LPAR6: variants seen among roughly 807,000 people sequenced by gnomAD.
The protein encoded by LPAR6 is lysophosphatidic acid receptor 6, also known as G-protein coupled purinergic receptor P2Y5.
Under a neutral mutation model 22.0 loss-of-function variants are expected in LPAR6, and 17 were observed. The observed-to-expected ratio is 0.77, with a 90% CI of 0.53 to 1.16. The LOEUF (loss-of-function observed/expected upper bound fraction) is 1.16. Among genes scored for constraint, LPAR6 ranks in the 50% most tolerant of loss-of-function variants. LPAR6 has a pLI of 0.00. For missense variants in LPAR6, 384 were observed against 406.9 expected, an observed-to-expected ratio of 0.94 and a Z score of 0.48; for synonymous variants, 136 against 139.8, an observed-to-expected ratio of 0.97 and a Z score of 0.19.
At chr13:48,433,924 A>G (rs193128108) in intron 1 of LPAR6, among the ~76,000 whole-genome samples, 28 of 151,684 alleles carry the variant, frequency 1.8e-4, no homozygotes, top group African/African-American at 5.8e-4. Context: ...GGGTCTTGCT[A>G]TGTTGCCCAG....
upstream of LPAR6, chr13:48,429,121 A>G (rs1038363825): frequency 1.3e-5 from 2 of 152,164 alleles, no homozygotes; most frequent in Non-Finnish European, 2.9e-5. Context: ...TATTATTGTA[A>G]TGTTATAAAA....
At chr13:48,418,064 C>A (rs1948943484), upstream of LPAR6, among the ~76,000 whole-genome samples, 1 of 152,050 alleles carries the variant, frequency 6.6e-6, no homozygotes, top group South Asian at 2.1e-4. Context: ...AGAGCAACCC[C>A]AAGACACATA....
intron 1 of LPAR6, among the ~76,000 whole-genome samples, chr13:48,395,468 G>C (rs894317154): frequency 1.3e-5 from 2 of 152,088 alleles, no homozygotes; most frequent in Admixed American, 6.5e-5. Context: ...ATGCAAGGAA[G>C]CTAAGAACTT....
At chr13:48,424,231 G>GA (rs564021401) in intron 1 of LPAR6, 183 of 152,318 alleles carry the variant, frequency 1.2e-3, no homozygotes, top group African/African-American at 4.0e-3. Context: ...AGCCTAAGGA[G>GA]AAAAAATCTT....
chr13:48,400,481 G>A (rs940418343), intron 1 of LPAR6, among the ~76,000 whole-genome samples: 7 of 151,954 alleles, frequency 4.6e-5, no homozygotes, highest in Admixed American at 1.3e-4. Context: ...GTCATGATTC[G>A]TTTATTTGCT....
At chr13:48,413,948 C>T (rs908464683), upstream of LPAR6, among the ~76,000 whole-genome samples, 9 of 152,132 alleles carry the variant, frequency 5.9e-5, no homozygotes, top group African/African-American at 2.2e-4. Flanking sequence ...CCCAGCTCTT[C>T]CCTTAACCCC....
At chr13:48,429,728 C>G (rs1008344705), upstream of LPAR6, among the ~76,000 whole-genome samples, 11 of 152,046 alleles carry the variant, frequency 7.2e-5, no homozygotes, top group African/African-American at 2.7e-4. Flanking sequence ...TTTAAATTAA[C>G]TGGTGCCAAT....
intron 1 of LPAR6, among the ~76,000 whole-genome samples, chr13:48,395,413 G>T (rs912798360): frequency 8.9e-4 from 135 of 152,114 alleles, no homozygotes; most frequent in African/African-American, 3.2e-3. Context: ...TCAGAAGGTG[G>T]GTAATAACAA....
At chr13:48,419,181 A>T (rs1948965245) in intron 2 of LPAR6, among the ~76,000 whole-genome samples, 1 of 152,208 alleles carries the variant, frequency 6.6e-6, no homozygotes, top group Non-Finnish European at 1.5e-5. Context: ...AAATCATAAC[A>T]CAGTCTCTGA....
At chr13:48,408,701 C>T (rs1359884080), downstream of LPAR6, 1 of 151,974 alleles carries the variant, frequency 6.6e-6, no homozygotes, top group Non-Finnish European at 1.5e-5. Flanking sequence ...ATGAGAAAAC[C>T]ATGTTTGTTA....
In LPAR6 at chr13:48,411,168, A is replaced by G; in HGVS notation, c.*221T>C. 2 of 440,314 alleles carry G rather than the reference A, an allele frequency of 4.5e-6. No individual in the cohort carries two copies. The highest frequency in any genetic ancestry group is 8.2e-6 in the Non-Finnish European group (2 of 244,368). 27.3% of individuals were successfully genotyped at this position (440,314 alleles called of 1,614,324 possible). A position where few individuals can be genotyped will look rare whatever the true frequency, so the allele number is the denominator to read the frequency against. On this transcript the variant is annotated 3_prime_UTR_variant, in exon 1 of 1. Coordinates refer to ENST00000620633, the MANE Select transcript of LPAR6 (RefSeq NM_001162498.3). ...TTAAGAGATTTTTTTTAATGAAGGA[A>G]CAAATCAAAATGGCTCAGAAAAATC...
chr13:48,421,181 C>G (rs183510040), intron 2 of LPAR6, among the ~76,000 whole-genome samples: 2 of 152,264 alleles, frequency 1.3e-5, no homozygotes, highest in Non-Finnish European at 2.9e-5. Context: ...GGTACCAAAA[C>G]AGATATATTG....
chr13:48,432,663 A>G (rs1949142255), intron 1 of LPAR6, among the ~76,000 whole-genome samples: 1 of 152,126 alleles, frequency 6.6e-6, no homozygotes, highest in Admixed American at 6.6e-5. Flanking sequence ...TTTCCCTGAT[A>G]GCAGGGACAT....
At chr13:48,436,741 A>C (rs147267682) in intron 1 of LPAR6, among the ~76,000 whole-genome samples, 4 of 152,298 alleles carry the variant, frequency 2.6e-5, no homozygotes, top group Admixed American at 2.6e-4. Context: ...TAAAATGGAA[A>C]AGATCTTCAG....
chr13:48,411,798 T>C lies in LPAR6; in HGVS notation c.626A>G (p.Lys209Arg), dbSNP rs750617332. 1.3e-5 allele frequency: 21 copies of C among 1,612,786 alleles called. No individual in the cohort carries two copies. In the Admixed American group the frequency reaches 3.5e-4, roughly 27 times the overall value. ...TAATGTAACAGGTTTGGTTAAAGTT[T>C]TTAGCACCATACTAGAACAAGTTAC... is the stretch of plus-strand genomic sequence containing the variant. ...LNVTCSSMVL[K>R]TLTKPVTLSR... The change falls in exon 1 of 1, where the codon AAA becomes AGA. Residue 209 changes from lysine to arginine, a missense_variant. Coordinates refer to ENST00000620633, the MANE Select transcript of LPAR6 (RefSeq NM_001162498.3).
At chr13:48,439,151 G>A (rs927941297) in intron 1 of LPAR6, among the ~76,000 whole-genome samples, 1 of 152,086 alleles carries the variant, frequency 6.6e-6, no homozygotes, top group Non-Finnish European at 1.5e-5. Context: ...GGTAGACTTG[G>A]GTTTGAATCA....
intron 1 of LPAR6, among the ~76,000 whole-genome samples, chr13:48,405,843 G>T (rs1038213291): frequency 2.0e-5 from 3 of 151,900 alleles, no homozygotes; most frequent in African/African-American, 4.8e-5. Flanking sequence ...AAATAAGCAG[G>T]TATGCACGTT....
chr13:48,409,539 T>G (rs1266905181), downstream of LPAR6, among the ~76,000 whole-genome samples: 1 of 151,180 alleles, frequency 6.6e-6, no homozygotes, highest in Admixed American at 6.6e-5. Flanking sequence ...TAGAAGGCAT[T>G]CTTTTTTAGT....
At position 48,412,726 on chromosome 13, in the gene LPAR6, C is replaced by A. The variant is rs1593485262; in HGVS notation, c.-303G>T. 2.3e-6 allele frequency: 1 copy of A among 431,858 alleles called. No homozygotes were observed. The highest frequency in any genetic ancestry group is 4.4e-6 in the Non-Finnish European group (1 of 225,674). 26.8% of individuals were successfully genotyped at this position (431,858 alleles called of 1,614,324 possible). ...CTTTAAAAAATACAGTCAACGAGTC[C>A]AACCCATAGGATTATAAATTTAAAG... is the stretch of plus-strand genomic sequence containing the variant. On this transcript the variant is annotated 5_prime_UTR_variant, in exon 1 of 1. Transcript: ENST00000620633.
Sources: allele counts gnomAD v4.1 joint callset (sites outside exome capture counted in the v4.1 genomes callset), GRCh38; gene constraint gnomAD v4.1.1; transcripts MANE v1.5; gene names NCBI Gene and HGNC (gene_info 2026-07-23, HGNC 2026-07-21).